The following NIPBL variants were observed in gnomAD, a reference collection of about 807,000 sequenced individuals.
NIPBL encodes the protein NIPBL cohesin loading factor.
A neutral mutation model predicts 321.8 loss-of-function variants in NIPBL; 19 were observed. The observed-to-expected ratio is 0.06, with a 90% CI of 0.04 to 0.09. NIPBL has a LOEUF of 0.09. NIPBL is among the 10% of genes least tolerant of loss of function. The pLI, the probability that NIPBL is intolerant of heterozygous loss-of-function variation, is 1.00. For synonymous variants in NIPBL, 1,106 were observed against 1,114.1 expected, an observed-to-expected ratio of 0.99 and a Z score of 0.14; for missense variants, 2,210 against 3,327.0, an observed-to-expected ratio of 0.66 and a Z score of 8.26.
At chr5:37,036,113 A>G (rs1016666615) in intron 32 of NIPBL, among the ~76,000 whole-genome samples, 16 of 151,982 alleles carry the variant, frequency 1.1e-4, no homozygotes, top group Admixed American at 9.2e-4. Context: ...TAGGTCTTAC[A>G]CAGCAATTTA....
Position 37,049,159 on chromosome 5 carries a change from C to G in NIPBL, c.6812C>G (p.Ser2271Cys). 6.2e-7 allele frequency: 1 copy of G among 1,614,046 alleles called. No homozygotes were observed. The highest frequency in any genetic ancestry group is 8.5e-7 in the Non-Finnish European group (1 of 1,179,984). The change falls in exon 40 of 47, where the codon TCC becomes TGC. Residue 2271 changes from serine (S) to cysteine (C), a missense_variant. Physicochemically the swap from Ser to Cys is moderately radical, Grantham distance 112. Around this residue, in one of 14 missense-constraint regions of NIPBL, gnomAD observed 112 missense variants for 288.3 expected, o/e 0.39. Coordinates refer to ENST00000282516, the MANE Select transcript of NIPBL (RefSeq NM_133433.4). ...QEDLKEMGDVSSGMSSSIMQL... is the reference protein window; with the variant it reads ...QEDLKEMGDVCSGMSSSIMQL... Reference sequence around the variant, plus strand: ...GACTTAAAAGAAATGGGTGATGTTTCCTCAGGGATGAGTAGTTCCATCATG... The same window carrying G: ...GACTTAAAAGAAATGGGTGATGTTTGCTCAGGGATGAGTAGTTCCATCATG...
At chr5:36,901,495 A>G (rs1054360465) in intron 1 of NIPBL, among the ~76,000 whole-genome samples, 2 of 137,620 alleles carry the variant, frequency 1.5e-5, no homozygotes, top group South Asian at 2.2e-4. Context: ...TGGTCCTTCT[A>G]AGTCCTTTTT....
At chr5:36,961,189 A>T (rs1288590473) in intron 4 of NIPBL, among the ~76,000 whole-genome samples, 1 of 152,156 alleles carries the variant, frequency 6.6e-6, no homozygotes, top group Non-Finnish European at 1.5e-5. Context: ...GACAACTTTT[A>T]AAAAAATCTT....
chr5:37,047,655 G>A (rs772295298), intron 38 of NIPBL, among the ~76,000 whole-genome samples: 4 of 152,152 alleles, frequency 2.6e-5, no homozygotes, highest in Non-Finnish European at 5.9e-5. Flanking sequence ...CTTAAGCAGC[G>A]CTATTCAGAA....
At chr5:36,987,176 A>G (rs2149648475) in intron 10 of NIPBL, among the ~76,000 whole-genome samples, 1 of 152,290 alleles carries the variant, frequency 6.6e-6, no homozygotes, top group South Asian at 2.1e-4. Flanking sequence ...CACCGTGTCC[A>G]TACAGTCTAA....
rs976980007 is a variant in NIPBL at position 37,040,792 on chromosome 5, T to G, written c.6108+2054T>G. 5.9e-5 allele frequency among the ~76,000 whole-genome samples: 9 copies of G among 152,202 alleles called. No individual in the cohort carries two copies. In the East Asian group the frequency reaches 1.2e-3, roughly 20 times the overall value. On this transcript the variant is annotated intron_variant, in intron 34 of 46. Transcript: ENST00000282516. ...ATTGATCTTGCCATTTTGCAGTGGA[T>G]GTGTTTTATACAACCTTTTGGAAAG...
intron 1 of NIPBL, among the ~76,000 whole-genome samples, chr5:36,931,373 A>G (rs1749762116): frequency 6.6e-6 from 1 of 151,998 alleles, no homozygotes; most frequent in Non-Finnish European, 1.5e-5. Flanking sequence ...GCTGGAGTGC[A>G]GTGGTGTGAT....
chr5:36,923,069 A>T (rs1749072415), intron 1 of NIPBL, among the ~76,000 whole-genome samples: 2 of 152,190 alleles, frequency 1.3e-5, no homozygotes, highest in Admixed American at 1.3e-4. Flanking sequence ...CGGGCGGATC[A>T]CGAGGTCAAG....
At chr5:36,977,689 G>T (rs1473114686) in intron 9 of NIPBL, among the ~76,000 whole-genome samples, 4 of 150,848 alleles carry the variant, frequency 2.7e-5, no homozygotes, top group Non-Finnish European at 5.9e-5. Context: ...ATTTGGGCTT[G>T]TAGTGAACCC....
intron 9 of NIPBL, chr5:36,982,201 C>T: frequency 2.0e-6 from 2 of 979,462 alleles, no homozygotes; most frequent in Non-Finnish European, 2.4e-6. Context: ...TTATGGTTCC[C>T]AGTGCTGAAG....
Position 37,003,355 on chromosome 5 carries a change from T to A in NIPBL, c.3855+8T>A. ...TCCACTTTGTTAAATCATGTAAGTTTAAGATCCATACTGTTAATTTTACCC... is the reference window on the plus strand; with the variant it reads ...TCCACTTTGTTAAATCATGTAAGTTAAAGATCCATACTGTTAATTTTACCC... On this transcript the variant is annotated splice_region_variant and intron_variant, in intron 16 of 46. Transcript: ENST00000282516. The A allele has an allele frequency of 6.6e-7, 1 of 1,504,342 alleles. No individual in the cohort carries two copies. The highest frequency in any genetic ancestry group is 9.3e-7 in the Non-Finnish European group (1 of 1,081,034). The allele number at this position is 1,504,342 out of a possible 1,614,324, so 93.2% of individuals were successfully genotyped here.
chr5:36,970,733 T>A (rs1422734906), intron 6 of NIPBL, 143 bp from the exon 7 acceptor site: 15 of 706,842 alleles, frequency 2.1e-5, no homozygotes, highest in Non-Finnish European at 2.4e-6. Flanking sequence ...GTGTTAAGAT[T>A]TGATGAAACT....
chr5:36,954,930 G>A (rs540068326), intron 2 of NIPBL: 1 of 153,994 alleles, frequency 6.5e-6, no homozygotes, highest in African/African-American at 2.4e-5. Flanking sequence ...GAATAAGTAG[G>A]AGACAACTAG....
intron 1 of NIPBL, among the ~76,000 whole-genome samples, chr5:36,893,192 T>C (rs1489498897): frequency 6.6e-6 from 1 of 152,202 alleles, no homozygotes; most frequent in Non-Finnish European, 1.5e-5. Context: ...AATCCATACA[T>C]ACACTATAAT....
chr5:36,940,046 A>G (rs934463555), intron 1 of NIPBL, among the ~76,000 whole-genome samples: 1 of 152,232 alleles, frequency 6.6e-6, no homozygotes, highest in Non-Finnish European at 1.5e-5. Context: ...CCAAGAATGT[A>G]CAATTGCCCT....
At chr5:36,922,862 T>A (rs1026911280) in intron 1 of NIPBL, among the ~76,000 whole-genome samples, 2 of 152,176 alleles carry the variant, frequency 1.3e-5, no homozygotes, top group Non-Finnish European at 2.9e-5. Context: ...AAAGGGAATG[T>A]TAAAGGGTAA....
At chr5:37,057,158 C>T (rs1754188043) in intron 42 of NIPBL, 28 bp from the exon 43 acceptor site, 1 of 1,611,088 alleles carries the variant, frequency 6.2e-7, no homozygotes, top group Non-Finnish European at 8.5e-7. Flanking sequence ...ATCCGCTAAA[C>T]ATGTGTGCTT....
At chr5:37,021,624 G>A (rs1045924538) in intron 27 of NIPBL, among the ~76,000 whole-genome samples, 8 of 151,112 alleles carry the variant, frequency 5.3e-5, no homozygotes, top group Admixed American at 5.3e-4. Flanking sequence ...GAGGTTGCAG[G>A]GAGCCGAGAT....
intron 9 of NIPBL, among the ~76,000 whole-genome samples, chr5:36,977,763 TC>T (rs1337878464): frequency 6.6e-6 from 1 of 151,798 alleles, no homozygotes; most frequent in Non-Finnish European, 1.5e-5. Flanking sequence ...CGTCCCTTTT[TC>T]CCCCTTTTTG....
Sources: gnomAD v4.1 joint callset for allele counts (sites outside exome capture counted in the v4.1 genomes callset) on GRCh38, gnomAD v4.1.1 for gene constraint, gnomAD v4.1.1 regional missense constraint, MANE v1.5 for transcripts, NCBI Gene and HGNC (gene_info 2026-07-23, HGNC 2026-07-21) for gene names.